The following ANKRD12 variants were observed in gnomAD, a reference collection of about 807,000 sequenced individuals.
ANKRD12 encodes the protein ankyrin repeat domain 12.
ANKRD12 carries 85 observed loss-of-function variants against 183.4 expected under a neutral mutation model. That is an observed-to-expected ratio of 0.46 (90% CI 0.39 to 0.56). The LOEUF (loss-of-function observed/expected upper bound fraction) is 0.56. Ranked by LOEUF, ANKRD12 falls within the 20% of genes least tolerant of loss-of-function variation. ANKRD12 has a pLI of 0.00. For missense variants in ANKRD12, 2,405 were observed against 2,357.1 expected, an observed-to-expected ratio of 1.02 and a Z score of -0.42; for synonymous variants, 914 against 800.2, an observed-to-expected ratio of 1.14 and a Z score of -2.40.
chr18:9,283,446 A>T lies in ANKRD12; in HGVS notation c.*2320A>T, dbSNP rs1210954723. 6.6e-6 allele frequency: 1 copy of T among 152,248 alleles called. No individual in the cohort carries two copies. The highest frequency in any genetic ancestry group is 1.5e-5 in the Non-Finnish European group (1 of 68,026). The allele number at this position is 152,248 out of a possible 1,614,324, so 9.4% of individuals were successfully genotyped here. On this transcript the variant is annotated 3_prime_UTR_variant, in exon 13 of 13. Coordinates refer to ENST00000262126, the MANE Select transcript of ANKRD12 (RefSeq NM_015208.5). Reference sequence around the variant, plus strand: ...TCAAAGCTAATGATAGCTTAAAAGAAAAGTTAATGCCTTCTCATTGGAAAT... The same window carrying T: ...TCAAAGCTAATGATAGCTTAAAAGATAAGTTAATGCCTTCTCATTGGAAAT...
intron 1 of ANKRD12, among the ~76,000 whole-genome samples, chr18:9,140,415 G>A (rs754742500): frequency 2.0e-5 from 3 of 152,140 alleles, no homozygotes; most frequent in Non-Finnish European, 4.4e-5. Context: ...AGCTGCTTAT[G>A]AACATTTTAA....
chr18:9,219,577 CCT>C (rs2036298657), intron 7 of ANKRD12, among the ~76,000 whole-genome samples: 1 of 152,032 alleles, frequency 6.6e-6, no homozygotes, highest in Admixed American at 6.6e-5. Context: ...CATACTCCCT[CCT>C]TCACCTCCTC....
At chr18:9,274,839 C>G (rs952627765) in intron 10 of ANKRD12, among the ~76,000 whole-genome samples, 3 of 152,066 alleles carry the variant, frequency 2.0e-5, no homozygotes, top group African/African-American at 7.2e-5. Context: ...GAGATGGGGT[C>G]TTGCCACTAT....
At chr18:9,247,448 C>T (rs1270786905) in intron 8 of ANKRD12, among the ~76,000 whole-genome samples, 1 of 152,056 alleles carries the variant, frequency 6.6e-6, no homozygotes, top group Non-Finnish European at 1.5e-5. Context: ...CACTGCACTC[C>T]AGCCTGGGCA....
At chr18:9,171,119 G>C (rs200175269) in intron 1 of ANKRD12, among the ~76,000 whole-genome samples, 1 of 152,148 alleles carries the variant, frequency 6.6e-6, no homozygotes, top group African/African-American at 2.4e-5. Context: ...GCCCCTACTG[G>C]GGGTGCCTCC....
intron 4 of ANKRD12, among the ~76,000 whole-genome samples, chr18:9,204,961 CAT>C (rs1302534764): frequency 6.6e-6 from 1 of 152,176 alleles, no homozygotes; most frequent in South Asian, 2.1e-4. Flanking sequence ...ACCGTTTAGT[CAT>C]GTGATGTTTT....
At chr18:9,163,631 C>A (rs964269515) in intron 1 of ANKRD12, among the ~76,000 whole-genome samples, 2 of 152,048 alleles carry the variant, frequency 1.3e-5, no homozygotes, top group Non-Finnish European at 2.9e-5. Flanking sequence ...GGCAGTATAG[C>A]CATTTTCACA....
Position 9,255,007 on chromosome 18 carries a change from T to G in ANKRD12, c.1740T>G (p.Leu580=). 6.2e-7 allele frequency: 1 copy of G among 1,608,872 alleles called. No individual in the cohort carries two copies. The highest frequency in any genetic ancestry group is 1.1e-5 in the South Asian group (1 of 89,738). Residue 580 remains leucine (L), a synonymous_variant, in exon 9 of 13, where the codon CTT becomes CTG. Coordinates refer to ENST00000262126, the MANE Select transcript of ANKRD12 (RefSeq NM_015208.5). ...CTGAAATGTCATTACAGCCTGATCT[T>G]GTTCGGTATGATAATACAGAATCTG... ...GSSEMSLQPD[L]VRYDNTESEF...
chr18:9,164,322 T>G (rs931935470), intron 1 of ANKRD12, among the ~76,000 whole-genome samples: 4 of 152,174 alleles, frequency 2.6e-5, no homozygotes, highest in African/African-American at 9.7e-5. Context: ...TGAATTACAT[T>G]TATTGATTTG....
chr18:9,169,144 G>A (rs1487883681), intron 1 of ANKRD12, among the ~76,000 whole-genome samples: 2 of 152,140 alleles, frequency 1.3e-5, no homozygotes, highest in Non-Finnish European at 2.9e-5. Flanking sequence ...TTCCAACTAT[G>A]TGGTCAATTT....
chr18:9,185,216 C>T (rs770072230), intron 2 of ANKRD12, among the ~76,000 whole-genome samples: 21 of 152,128 alleles, frequency 1.4e-4, no homozygotes. Context: ...CCTTGTGTGC[C>T]TTGCAAAGGA....
intron 3 of ANKRD12, among the ~76,000 whole-genome samples, chr18:9,199,699 G>A (rs896297863): frequency 3.3e-5 from 5 of 151,774 alleles, no homozygotes; most frequent in Non-Finnish European, 1.5e-5. Flanking sequence ...AGTAGACAGT[G>A]TCTTTTATAA....
intron 8 of ANKRD12, among the ~76,000 whole-genome samples, chr18:9,230,341 C>T (rs2036969926): frequency 6.6e-6 from 1 of 151,928 alleles, no homozygotes; most frequent in Non-Finnish European, 1.5e-5. Flanking sequence ...TTTTTTATTT[C>T]TGATTTTGTT....
At chr18:9,151,353 C>A (rs2078680687) in intron 1 of ANKRD12, among the ~76,000 whole-genome samples, 1 of 152,144 alleles carries the variant, frequency 6.6e-6, no homozygotes, top group South Asian at 2.1e-4. Context: ...AATAATTTAT[C>A]ATTTTGCATT....
At chr18:9,219,595 T>G (rs1426392382) in intron 7 of ANKRD12, among the ~76,000 whole-genome samples, 1 of 151,960 alleles carries the variant, frequency 6.6e-6, no homozygotes. Flanking sequence ...TCCTCTTGCC[T>G]CCTCCCTCTC....
intron 4 of ANKRD12, among the ~76,000 whole-genome samples, chr18:9,208,182 A>T (rs936606525): frequency 6.6e-6 from 1 of 152,188 alleles, no homozygotes; most frequent in African/African-American, 2.4e-5. Context: ...GTTCTGTGTG[A>T]TAAGACTTGT....
At chr18:9,259,769 A>C (rs931161686) in intron 9 of ANKRD12, 4 of 152,190 alleles carry the variant, frequency 2.6e-5, no homozygotes, top group Admixed American at 6.5e-5. Context: ...ATTACTGCAG[A>C]GTGGATTTTG....
At chr18:9,204,612 C>CTA in intron 4 of ANKRD12, 68 bp downstream of exon 4, 2 of 1,134,566 alleles carry the variant, frequency 1.8e-6, no homozygotes, top group Non-Finnish European at 2.5e-6. Flanking sequence ...AATTATTGTA[C>CTA]TATAAGTAAC....
At chr18:9,151,026 T>C (rs1410828233) in intron 1 of ANKRD12, among the ~76,000 whole-genome samples, 3 of 152,120 alleles carry the variant, frequency 2.0e-5, no homozygotes. Flanking sequence ...TGTGGGAAAA[T>C]GTTATGGAAT....
Sources: allele counts gnomAD v4.1 joint callset (sites outside exome capture counted in the v4.1 genomes callset), GRCh38; gene constraint gnomAD v4.1.1; transcripts MANE v1.5; gene names NCBI Gene and HGNC (gene_info 2026-07-23, HGNC 2026-07-21).